IGSF6: variants seen among roughly 807,000 people sequenced by gnomAD.
IGSF6 encodes down-regulated by activation (immunoglobulin superfamily).
In IGSF6, 23 loss-of-function variants were observed where a neutral mutation model predicts 24.7. The ratio of observed to expected loss-of-function variants is 0.93; its 90% CI spans 0.67 to 1.32. IGSF6 has a LOEUF of 1.32. Among genes scored for constraint, IGSF6 ranks in the 40% most tolerant of loss-of-function variants. IGSF6 has a pLI of 0.00. For synonymous variants in IGSF6, 110 were observed against 113.7 expected (o/e 0.97, Z 0.21); for missense variants, 295 against 293.6 (o/e 1.00, Z -0.04).
chr16:21,647,506 C>G lies in IGSF6; in HGVS notation c.68-14G>C. On this transcript the variant is annotated splice_polypyrimidine_tract_variant and intron_variant, in intron 1 of 5. Transcript: ENST00000268389. ...CGCCCACAGCACCTGTGGGAGGAAGCAGATGAGTGGGTTAATGGGCCTGCC... is the reference window on the plus strand; with the variant it reads ...CGCCCACAGCACCTGTGGGAGGAAGGAGATGAGTGGGTTAATGGGCCTGCC... The G allele has an allele frequency of 1.3e-6, 2 of 1,599,198 alleles. No homozygotes were observed. Among genetic ancestry groups the G allele is most frequent in the Non-Finnish European group, 1.7e-6 (2 of 1,169,336 alleles).
intron 2 of IGSF6, 146 bp from the exon 3 acceptor site, chr16:21,644,542 A>C: frequency 1.7e-6 from 1 of 592,686 alleles, no homozygotes; most frequent in Non-Finnish European, 3.0e-6. Flanking sequence ...AGACCTCAAA[A>C]GGTACTCAAG....
In IGSF6 at chr16:21,639,685, C is replaced by G. The variant is rs1314491184; in HGVS notation, c.*1849G>C. 3 of 152,116 alleles carry G rather than the reference C, an allele frequency of 2.0e-5. No individual in the cohort carries two copies. Among genetic ancestry groups the G allele is most frequent in the Non-Finnish European group, 4.4e-5 (3 of 68,018 alleles). The allele number at this position is 152,116 out of a possible 1,614,324, so 9.4% of individuals were successfully genotyped here. The stretch of plus-strand genomic sequence containing the variant: ...TATACCGTATACAAAACACATGTGG[C>G]CCCACACATATACACATGTGCACTC... On this transcript the variant is annotated 3_prime_UTR_variant, in exon 6 of 6. Transcript: ENST00000268389.
At chr16:21,641,779 T>C (rs1360411870) in intron 5 of IGSF6, among the ~76,000 whole-genome samples, 186 bp from the exon 6 acceptor site, 1 of 151,946 alleles carries the variant, frequency 6.6e-6, no homozygotes. Context: ...AACTGAAAAA[T>C]ACTTTTTTTT....
In IGSF6 at chr16:21,644,441, A is replaced by C. The variant is rs117679296; in HGVS notation, c.428-45T>G. 3.2e-3 allele frequency: 4,251 copies of C among 1,308,936 alleles called. 21 individuals are homozygous for C. The highest frequency in any genetic ancestry group is 3.7e-3 in the Non-Finnish European group (3,377 of 906,042). The allele number at this position is 1,308,936 out of a possible 1,614,324, so 81.1% of individuals were successfully genotyped here. On this transcript the variant is annotated intron_variant, in intron 2 of 5. Transcript: ENST00000268389. ...AGAAGCACATTGACTATTAAAGCCT[A>C]TTCTTTCAAATACATGTGTAAAGTA...
intron 4 of IGSF6, 89 bp from the exon 5 acceptor site, chr16:21,643,243 C>T: frequency 1.1e-6 from 1 of 951,824 alleles, no homozygotes; most frequent in African/African-American, 1.6e-5. Flanking sequence ...TGCTCTATTG[C>T]CACCGGTCCC....
At chr16:21,644,952 T>C (rs1378042804) in intron 2 of IGSF6, among the ~76,000 whole-genome samples, 1 of 152,228 alleles carries the variant, frequency 6.6e-6, no homozygotes, top group Non-Finnish European at 1.5e-5. Context: ...CCAAATGTGC[T>C]CTTCTTTCTT....
chr16:21,643,221 CA>C, intron 4 of IGSF6, 67 bp from the exon 5 acceptor site: 1 of 1,237,348 alleles, frequency 8.1e-7, no homozygotes. Flanking sequence ...GACGCATCAT[CA>C]GAACTTTTCT....
intron 5 of IGSF6, among the ~76,000 whole-genome samples, chr16:21,641,850 C>CT (rs1966280605): frequency 6.6e-6 from 1 of 152,078 alleles, no homozygotes; most frequent in Non-Finnish European, 1.5e-5. Flanking sequence ...ACTTCTAAGA[C>CT]TGCTTTCAGG....
Position 21,643,144 on chromosome 16 carries a change from G to A in IGSF6, c.596C>T (p.Ala199Val), listed in dbSNP as rs931478695. 1 of 1,604,814 alleles carries A rather than the reference G, an allele frequency of 6.2e-7. No homozygotes were observed. Among genetic ancestry groups the A allele is most frequent in the Non-Finnish European group, 8.5e-7 (1 of 1,175,456 alleles). Residue 199 changes from alanine to valine, a missense_variant, in exon 5 of 6, where the codon GCT becomes GTT. By Grantham distance (64) the Ala-to-Val change is moderately conservative. Coordinates refer to ENST00000268389, the MANE Select transcript of IGSF6 (RefSeq NM_005849.4). ...AGCAATTTCCTGAAAAATACGCCGA[G>A]CACTCTTCTTCTATAAAGACAAATG... ...IKEDSQKKKSARRIFQEIAQE... is the reference protein window; with the variant it reads ...IKEDSQKKKSVRRIFQEIAQE...
At chr16:21,643,924 TTGTTCTTAAAGAC>T (rs779746902) in intron 3 of IGSF6, among the ~76,000 whole-genome samples, 29 of 152,196 alleles carry the variant, frequency 1.9e-4, no homozygotes, top group Non-Finnish European at 3.2e-4. Context: ...CAACCCATTT[TTGTTCTTAAAGAC>T]TGTTCTTAAG....
At chr16:21,651,075 T>C (rs1597790740) in intron 1 of IGSF6, among the ~76,000 whole-genome samples, 2 of 151,932 alleles carry the variant, frequency 1.3e-5, no homozygotes, top group South Asian at 2.1e-4. Flanking sequence ...TACAAAAAAT[T>C]AGCCGGGTGT....
At chr16:21,651,559 C>G (rs1017574391) in intron 1 of IGSF6, among the ~76,000 whole-genome samples, 3 of 152,000 alleles carry the variant, frequency 2.0e-5, no homozygotes, top group Admixed American at 1.3e-4. Flanking sequence ...ACCTTGGCCC[C>G]CAAAGTGCTG....
chr16:21,650,138 TC>T (rs1966529104), intron 1 of IGSF6, among the ~76,000 whole-genome samples: 1 of 150,012 alleles, frequency 6.7e-6, no homozygotes, highest in South Asian at 2.1e-4. Context: ...GCATTGTGAG[TC>T]CCTGTCTCTA....
At chr16:21,643,016 T>G in intron 5 of IGSF6, 58 bp downstream of exon 5, 1 of 1,222,870 alleles carries the variant, frequency 8.2e-7, no homozygotes, top group Non-Finnish European at 1.2e-6. Context: ...GGCAGCTTAG[T>G]TTTTTCAAAC....
intron 2 of IGSF6, 64 bp downstream of exon 2, chr16:21,647,069 G>C: frequency 6.2e-7 from 1 of 1,604,034 alleles, no homozygotes; most frequent in East Asian, 2.2e-5. Flanking sequence ...TGTGAGTGAG[G>C]TAATGATTTT....
rs1966244277 is a variant in IGSF6, at chr16:21,640,857, A to G, written c.*677T>C. 6.6e-6 allele frequency: 1 copy of G among 151,562 alleles called. No homozygotes were observed. Among genetic ancestry groups the G allele is most frequent in the Admixed American group, 6.6e-5 (1 of 15,226 alleles). 9.4% of individuals were successfully genotyped at this position (151,562 alleles called of 1,614,324 possible). On this transcript the variant is annotated 3_prime_UTR_variant, in exon 6 of 6. Transcript: ENST00000268389. ...TGCCCACATCTTCCCTGGTGCTGTT[A>G]TTTGGCACAACACTGACATCTAGAG...
At position 21,652,537 on chromosome 16, in the gene IGSF6, C is replaced by G. The variant is rs142541478; in HGVS notation, c.62G>C (p.Cys21Ser). 3 of 1,609,216 alleles carry G rather than the reference C, an allele frequency of 1.9e-6. No homozygotes were observed. Among genetic ancestry groups the G allele is most frequent in the Non-Finnish European group, 2.5e-6 (3 of 1,177,546 alleles). The stretch of plus-strand genomic sequence containing the variant: ...GAGAAGAAAAAGAACCTTACCGACA[C>G]AAAATAGAATGAGATTGGTTTGCAG... ...RHLQTNLILFCVGAVGACTLS... is the reference protein window; with the variant it reads ...RHLQTNLILFSVGAVGACTLS... Residue 21 changes from cysteine to serine, a missense_variant, in exon 1 of 6, where the codon TGT (cysteine) becomes TCT (serine). By Grantham distance (112) the Cys-to-Ser change is moderately radical. Coordinates refer to ENST00000268389, the MANE Select transcript of IGSF6 (RefSeq NM_005849.4).
rs978673888 is a variant in IGSF6, at chr16:21,641,373, A to C, written c.*161T>G. On this transcript the variant is annotated 3_prime_UTR_variant, in exon 6 of 6. Coordinates refer to ENST00000268389, the MANE Select transcript of IGSF6 (RefSeq NM_005849.4). ...GGGTTTTAGTATTTTGGTAATGACT[A>C]TTAGTTATAGTTTCCTTACATTCTG... 1.3e-5 allele frequency: 6 copies of C among 452,302 alleles called. No individual in the cohort carries two copies. In the East Asian group the frequency reaches 2.1e-4, roughly 16 times the overall value. The allele number at this position is 452,302 out of a possible 1,614,324, so 28.0% of individuals were successfully genotyped here.
At chr16:21,645,101 C>CA (rs1567345524) in intron 2 of IGSF6, among the ~76,000 whole-genome samples, 1 of 152,130 alleles carries the variant, frequency 6.6e-6, no homozygotes, top group African/African-American at 2.4e-5. Context: ...ATTTGGAGTA[C>CA]AAAATACAAT....
Sources: allele counts gnomAD v4.1 joint callset (sites outside exome capture counted in the v4.1 genomes callset), GRCh38; gene constraint gnomAD v4.1.1; transcripts MANE v1.5; gene names NCBI Gene and HGNC (gene_info 2026-07-23, HGNC 2026-07-21).